EDIL3: variants seen among roughly 807,000 people sequenced by gnomAD.
The protein encoded by EDIL3 is EGF-like repeat and discoidin I-like domain-containing protein 3.
Under a neutral mutation model 67.4 loss-of-function variants are expected in EDIL3, and 37 were observed. That is an observed-to-expected ratio of 0.55 (90% CI 0.42 to 0.72). The LOEUF is 0.72. Among genes scored for constraint, EDIL3 ranks in the 30% least tolerant of loss-of-function variants. The probability of loss-of-function intolerance (pLI) is 0.00; values close to 1 mark genes in which losing one functional copy is unlikely to be tolerated. For missense variants in EDIL3, 527 were observed against 586.3 expected (o/e 0.90, Z 1.04); for synonymous variants, 195 against 196.3 (o/e 0.99, Z 0.05).
intron 5 of EDIL3, among the ~76,000 whole-genome samples, chr5:84,111,497 G>T (rs1747564149): frequency 6.6e-6 from 1 of 152,118 alleles, no homozygotes; most frequent in African/African-American, 2.4e-5. Context: ...TTGAAAATAC[G>T]TGTTTATTGA....
intron 1 of EDIL3, among the ~76,000 whole-genome samples, chr5:84,330,582 T>G (rs1358374764): frequency 6.6e-6 from 1 of 152,110 alleles, no homozygotes; most frequent in Non-Finnish European, 1.5e-5. Context: ...GGTACAAACT[T>G]ATAAGAAAAT....
At chr5:84,060,711 T>C (rs1236986146) in intron 8 of EDIL3, among the ~76,000 whole-genome samples, 1 of 152,050 alleles carries the variant, frequency 6.6e-6, no homozygotes, top group African/African-American at 2.4e-5. Flanking sequence ...TTTGGAAAAA[T>C]TGAAAACAAG....
chr5:84,369,136 C>T (rs1475782448), intron 1 of EDIL3, among the ~76,000 whole-genome samples: 1 of 151,706 alleles, frequency 6.6e-6, no homozygotes, highest in Non-Finnish European at 1.5e-5. Context: ...GAATTGAAAA[C>T]AGACTCTGAA....
At chr5:84,103,564 A>G (rs1304090046) in intron 6 of EDIL3, among the ~76,000 whole-genome samples, 1 of 152,130 alleles carries the variant, frequency 6.6e-6, no homozygotes, top group African/African-American at 2.4e-5. Flanking sequence ...AAGGACATAA[A>G]CAGACAATTT....
intron 3 of EDIL3, among the ~76,000 whole-genome samples, chr5:84,225,707 G>A (rs181450767): frequency 3.3e-5 from 5 of 151,482 alleles, no homozygotes; most frequent in African/African-American, 7.2e-5. Context: ...TCTAAACAAT[G>A]AGAATAGATC....
intron 9 of EDIL3, among the ~76,000 whole-genome samples, chr5:84,057,432 T>C (rs1434104265): frequency 6.6e-6 from 1 of 152,048 alleles, no homozygotes; most frequent in Non-Finnish European, 1.5e-5. Context: ...CACACAGCAT[T>C]ATGACTCACA....
intron 3 of EDIL3, among the ~76,000 whole-genome samples, chr5:84,222,008 C>T (rs1296896999): frequency 1.3e-5 from 2 of 151,764 alleles, no homozygotes; most frequent in African/African-American, 2.4e-5. Flanking sequence ...TTTCAAAATG[C>T]GTGAGTTATA....
At chr5:84,254,575 C>T (rs766281926) in intron 1 of EDIL3, among the ~76,000 whole-genome samples, 5 of 152,176 alleles carry the variant, frequency 3.3e-5, no homozygotes, top group Non-Finnish European at 4.4e-5. Flanking sequence ...TATATCCACA[C>T]AGTTTACTCT....
rs192658583 is a variant in EDIL3, at chr5:84,346,598, T to C, written c.67+37710A>G. Among the ~76,000 whole-genome samples the C allele has an allele frequency of 5.9e-5, 9 of 152,350 alleles. No homozygotes were observed. In the East Asian group the frequency reaches 1.2e-3, roughly 20 times the overall value. The stretch of plus-strand genomic sequence containing the variant: ...TGCCTGCTTGACTTTCATTCCTTTT[T>C]TTCTGTTAATAGATGTTCCTTGGGG... On this transcript the variant is annotated intron_variant, in intron 1 of 10. Transcript: ENST00000296591.
intron 4 of EDIL3, among the ~76,000 whole-genome samples, chr5:84,165,041 G>A (rs557400447): frequency 6.6e-6 from 1 of 152,164 alleles, no homozygotes; most frequent in South Asian, 2.1e-4. Flanking sequence ...TAACTTTAGA[G>A]AACCATTTGT....
intron 4 of EDIL3, among the ~76,000 whole-genome samples, chr5:84,137,994 A>G (rs1434478173): frequency 6.6e-6 from 1 of 152,260 alleles, no homozygotes; most frequent in East Asian, 1.9e-4. Flanking sequence ...GCAAAATCAC[A>G]TGAAACATAA....
At chr5:84,315,917 A>G (rs1746503717) in intron 1 of EDIL3, among the ~76,000 whole-genome samples, 1 of 152,230 alleles carries the variant, frequency 6.6e-6, no homozygotes, top group Non-Finnish European at 1.5e-5. Flanking sequence ...ATCTCTCAAC[A>G]GAAACTCTAC....
chr5:84,145,134 C>A (rs1166922578), intron 4 of EDIL3, among the ~76,000 whole-genome samples: 3 of 152,044 alleles, frequency 2.0e-5, no homozygotes. Context: ...AATTATAATA[C>A]AATATGGTGA....
rs182273783 is a variant in EDIL3, at chr5:84,052,473, A to G, written c.1137+7827T>C. 6.7e-3 allele frequency among the ~76,000 whole-genome samples: 1,020 copies of G among 152,172 alleles called. 15 individuals carry two copies. The highest frequency in any genetic ancestry group is 0.024 in the African/African-American group (989 of 41,514). On this transcript the variant is annotated intron_variant, in intron 9 of 10. Coordinates refer to ENST00000296591, the MANE Select transcript of EDIL3 (RefSeq NM_005711.5). ...CACACATACAATATTAACCTTAAAT[A>G]TAAATGGGCTAAATGCTCCAATTAA... is the stretch of plus-strand genomic sequence containing the variant.
chr5:83,995,623 A>C (rs567351251), intron 9 of EDIL3, among the ~76,000 whole-genome samples: 7 of 152,346 alleles, frequency 4.6e-5, no homozygotes, highest in African/African-American at 1.7e-4. Flanking sequence ...AGGGATTAAA[A>C]ATATCATAAT....
chr5:84,115,051 C>A (rs1049116757), intron 5 of EDIL3, among the ~76,000 whole-genome samples: 6 of 152,140 alleles, frequency 3.9e-5, no homozygotes, highest in Admixed American at 6.5e-5. Context: ...TAAAACAAAT[C>A]ATTGCTTTTT....
At chr5:84,038,269 TC>T (rs1161968411) in intron 9 of EDIL3, among the ~76,000 whole-genome samples, 3 of 152,044 alleles carry the variant, frequency 2.0e-5, no homozygotes, top group African/African-American at 7.2e-5. Flanking sequence ...CCACCTGTGT[TC>T]CAAATGTAGA....
chr5:84,170,601 A>T (rs969262071), intron 4 of EDIL3, among the ~76,000 whole-genome samples: 3 of 152,074 alleles, frequency 2.0e-5, no homozygotes, highest in Admixed American at 1.3e-4. Context: ...ATGAAATCCT[A>T]CCTAAGCAAC....
intron 9 of EDIL3, among the ~76,000 whole-genome samples, chr5:83,995,547 T>C (rs1385493464): frequency 6.6e-6 from 1 of 152,196 alleles, no homozygotes. Flanking sequence ...CTTTAATCCA[T>C]TTTCATATAC....
Sources: gnomAD v4.1 joint callset for allele counts (sites outside exome capture counted in the v4.1 genomes callset) on GRCh38, gnomAD v4.1.1 for gene constraint, MANE v1.5 for transcripts, NCBI Gene and HGNC (gene_info 2026-07-23, HGNC 2026-07-21) for gene names.